Variants in CABCOCO1 observed in about 807,000 individuals in gnomAD.
The protein encoded by CABCOCO1 is ciliary associated calcium binding coiled-coil 1, also known as ciliary-associated calcium-binding coiled-coil protein 1.
A neutral mutation model predicts 35.7 loss-of-function variants in CABCOCO1; 28 were observed. That is an observed-to-expected ratio of 0.78 (90% CI 0.58 to 1.07). CABCOCO1 has a LOEUF of 1.07. Among genes scored for constraint, CABCOCO1 ranks in the 50% least tolerant of loss-of-function variants. The probability of loss-of-function intolerance (pLI) is 0.00; values close to 1 mark genes in which losing one functional copy is unlikely to be tolerated. For missense variants in CABCOCO1, 326 were observed against 309.2 expected, an observed-to-expected ratio of 1.05 and a Z score of -0.41; for synonymous variants, 95 against 100.1, an observed-to-expected ratio of 0.95 and a Z score of 0.30.
intron 5 of CABCOCO1, among the ~76,000 whole-genome samples, chr10:61,720,996 T>C (rs1232618449): frequency 2.1e-5 from 3 of 140,472 alleles, no homozygotes; most frequent in Non-Finnish European, 4.6e-5. Flanking sequence ...GCGATCTCGG[T>C]TAACTGCAAA....
At chr10:61,710,891 G>C (rs1181418513) in intron 5 of CABCOCO1, among the ~76,000 whole-genome samples, 3 of 151,816 alleles carry the variant, frequency 2.0e-5, no homozygotes, top group Non-Finnish European at 2.9e-5. Context: ...TTCACTCCAG[G>C]CATTTGCTGA....
intron 2 of CABCOCO1, among the ~76,000 whole-genome samples, chr10:61,678,195 C>G (rs1264039458): frequency 6.6e-6 from 1 of 152,078 alleles, no homozygotes; most frequent in African/African-American, 2.4e-5. Context: ...ACCAGGCTCC[C>G]TCATATATTG....
chr10:61,675,197 C>T (rs972584073), intron 2 of CABCOCO1, among the ~76,000 whole-genome samples: 12 of 152,154 alleles, frequency 7.9e-5, no homozygotes, highest in African/African-American at 2.9e-4. Context: ...TTTCATGCTA[C>T]CGCCATAGCC....
chr10:61,742,112 C>T (rs1035121874), intron 5 of CABCOCO1, among the ~76,000 whole-genome samples: 22 of 152,086 alleles, frequency 1.4e-4, no homozygotes, highest in African/African-American at 5.3e-4. Context: ...TATGACAGGA[C>T]TTGCTGAAAA....
chr10:61,759,735 G>T (rs779489325), intron 5 of CABCOCO1, among the ~76,000 whole-genome samples: 14 of 151,974 alleles, frequency 9.2e-5, no homozygotes, highest in African/African-American at 1.9e-4. Flanking sequence ...CTAAAACTTG[G>T]TTCTCCACCT....
At chr10:61,728,081 A>G (rs541746119) in intron 5 of CABCOCO1, among the ~76,000 whole-genome samples, 37 of 152,300 alleles carry the variant, frequency 2.4e-4, no homozygotes, top group African/African-American at 8.2e-4. Flanking sequence ...AAAGGACTAA[A>G]CCCATTTTTG....
chr10:61,701,738 C>T (rs1263151826), intron 5 of CABCOCO1: 1 of 985,034 alleles, frequency 1.0e-6, no homozygotes, highest in African/African-American at 1.7e-5. Context: ...GTTCAGCAAC[C>T]CACATTTGAA....
chr10:61,713,125 C>T (rs1307421951), intron 5 of CABCOCO1, among the ~76,000 whole-genome samples: 1 of 152,050 alleles, frequency 6.6e-6, no homozygotes. Flanking sequence ...ATATTGATTC[C>T]TCTTATCCAT....
intron 3 of CABCOCO1, among the ~76,000 whole-genome samples, chr10:61,682,725 TAA>T (rs1292469558): frequency 6.6e-6 from 1 of 152,108 alleles, no homozygotes; most frequent in African/African-American, 2.4e-5. Context: ...GAGAAATTGA[TAA>T]GAGTCAGAGG....
chr10:61,684,824 G>A (rs1384657993), intron 3 of CABCOCO1: 3 of 152,274 alleles, frequency 2.0e-5, no homozygotes, highest in African/African-American at 7.2e-5. Flanking sequence ...GATAGTGTGT[G>A]TGTGGGTTGT....
At chr10:61,747,827 A>T (rs1841696482) in intron 5 of CABCOCO1, among the ~76,000 whole-genome samples, 1 of 152,220 alleles carries the variant, frequency 6.6e-6, no homozygotes, top group African/African-American at 2.4e-5. Context: ...GAATCAAGTA[A>T]ATTAACATAC....
intron 5 of CABCOCO1, among the ~76,000 whole-genome samples, chr10:61,702,400 G>A (rs1840481397): frequency 6.6e-6 from 1 of 152,102 alleles, no homozygotes; most frequent in Non-Finnish European, 1.5e-5. Flanking sequence ...ATTACTAATA[G>A]AATGACAAAG....
At chr10:61,747,184 GT>G (rs1184155002) in intron 5 of CABCOCO1, among the ~76,000 whole-genome samples, 1 of 152,086 alleles carries the variant, frequency 6.6e-6, no homozygotes, top group Non-Finnish European at 1.5e-5. Context: ...TCACCAATAA[GT>G]AGATAAATAT....
rs554932022 is a variant in CABCOCO1 at position 61,664,941 on chromosome 10, T to G, written c.60+1909T>G. On this transcript the variant is annotated intron_variant, in intron 1 of 7. Coordinates refer to ENST00000648843, the MANE Select transcript of CABCOCO1 (RefSeq NM_001366906.2). ...TCTCAGATCAAATTCTTTACAATGT[T>G]GATCCCCCAACAGCTAATCGCTTAT... Among the ~76,000 whole-genome samples, 4 of 152,332 alleles carry G rather than the reference T, an allele frequency of 2.6e-5. No individual in the cohort carries two copies. The East Asian group carries it at 7.7e-4, about 29-fold the overall frequency.
intron 2 of CABCOCO1, among the ~76,000 whole-genome samples, chr10:61,680,425 T>C: frequency 8.8e-6 from 1 of 113,720 alleles, no homozygotes; most frequent in East Asian, 2.1e-4. Flanking sequence ...AATATATATT[T>C]ATATATTAAC....
intron 5 of CABCOCO1, among the ~76,000 whole-genome samples, chr10:61,703,519 A>G (rs145002260): frequency 1.5e-4 from 23 of 152,246 alleles, no homozygotes; most frequent in African/African-American, 5.3e-4. Context: ...AATAAATATA[A>G]CATACTAATA....
At chr10:61,755,858 A>G (rs1284159231) in intron 5 of CABCOCO1, among the ~76,000 whole-genome samples, 1 of 151,978 alleles carries the variant, frequency 6.6e-6, no homozygotes, top group African/African-American at 2.4e-5. Context: ...TTTTCAGATA[A>G]AATCTTTATA....
chr10:61,687,144 G>A (rs1233330314), intron 4 of CABCOCO1, among the ~76,000 whole-genome samples: 4 of 152,176 alleles, frequency 2.6e-5, no homozygotes, highest in African/African-American at 9.7e-5. Context: ...ATATTGGTTT[G>A]TGGTATGAAT....
intron 5 of CABCOCO1, among the ~76,000 whole-genome samples, chr10:61,730,445 G>C (rs1180029053): frequency 2.6e-5 from 4 of 152,070 alleles, no homozygotes; most frequent in Non-Finnish European, 4.4e-5. Context: ...ATAGACATAT[G>C]AAGAGGAAGG....
Sources: allele counts gnomAD v4.1 joint callset (sites outside exome capture counted in the v4.1 genomes callset), GRCh38; gene constraint gnomAD v4.1.1; transcripts MANE v1.5; gene names NCBI Gene and HGNC (gene_info 2026-07-23, HGNC 2026-07-21).